The following PDE2A variants were observed in gnomAD, a reference collection of about 807,000 sequenced individuals.
The protein encoded by PDE2A is phosphodiesterase 2A.
A neutral mutation model predicts 133.6 loss-of-function variants in PDE2A; 53 were observed. The ratio of observed to expected loss-of-function variants is 0.40; its 90% CI spans 0.32 to 0.50. The LOEUF is 0.50. PDE2A is among the 20% of genes least tolerant of loss of function. The pLI, the probability that PDE2A is intolerant of heterozygous loss-of-function variation, is 0.73. For synonymous variants in PDE2A, 491 were observed against 490.2 expected (o/e 1.00, Z -0.02); for missense variants, 796 against 1,232.4 (o/e 0.65, Z 5.30).
intron 1 of PDE2A, among the ~76,000 whole-genome samples, chr11:72,669,550 G>C (rs987330260): frequency 6.6e-6 from 1 of 152,118 alleles, no homozygotes; most frequent in Admixed American, 6.5e-5. Flanking sequence ...GGAGGACGAG[G>C]GTGCTGACAG....
chr11:72,628,782 T>C (rs1322029500), intron 2 of PDE2A, among the ~76,000 whole-genome samples: 2 of 152,194 alleles, frequency 1.3e-5, no homozygotes, highest in Non-Finnish European at 2.9e-5. Context: ...TATGAGGCCA[T>C]CTTGGCTTCC....
At chr11:72,652,854 G>C (rs952541843) in intron 1 of PDE2A, among the ~76,000 whole-genome samples, 1 of 152,178 alleles carries the variant, frequency 6.6e-6, no homozygotes, top group African/African-American at 2.4e-5. Context: ...TGGCTTCAGG[G>C]CTGTACTTGA....
At chr11:72,584,126 G>A (rs1159424135) in intron 19 of PDE2A, 75 bp downstream of exon 19, 2 of 772,936 alleles carry the variant, frequency 2.6e-6, no homozygotes, top group Non-Finnish European at 4.4e-6. Context: ...GAGTCAGTCG[G>A]AGGAGGAGAA....
rs1243925693 is a variant in PDE2A, at chr11:72,576,490, C to T, written c.*894G>A. ...AGGCCAAGGGGAACACTCAGGGGGC[C>T]TCTGAGACACTCAGGGTTGGGCTCT... is the stretch of plus-strand genomic sequence containing the variant. On this transcript the variant is annotated 3_prime_UTR_variant, in exon 31 of 31. Coordinates refer to ENST00000334456, the MANE Select transcript of PDE2A (RefSeq NM_002599.5). 6.2e-6 allele frequency: 1 copy of T among 160,690 alleles called. No homozygotes were observed. Among genetic ancestry groups the T allele is most frequent in the Admixed American group, 6.5e-5 (1 of 15,302 alleles). 10.0% of individuals were successfully genotyped at this position (160,690 alleles called of 1,614,324 possible).
At chr11:72,579,750 GT>G in intron 25 of PDE2A, 142 bp from the exon 26 acceptor site, 1 of 623,372 alleles carries the variant, frequency 1.6e-6, no homozygotes, top group Non-Finnish European at 2.8e-6. Flanking sequence ...AGGGGCCCCA[GT>G]TCCCTTTCTG....
At chr11:72,667,202 G>A (rs979527116) in intron 1 of PDE2A, among the ~76,000 whole-genome samples, 6 of 152,142 alleles carry the variant, frequency 3.9e-5, no homozygotes, top group African/African-American at 1.4e-4. Flanking sequence ...CACCCTCTCA[G>A]ATCAGCATAC....
chr11:72,608,621 GGGGGT>G, intron 3 of PDE2A, 36 bp downstream of exon 3: 1 of 976,386 alleles, frequency 1.0e-6, no homozygotes, highest in Non-Finnish European at 1.6e-6. Context: ...CAAAGGATTT[GGGGGT>G]GGGGTGGGAA....
At position 72,674,183 on chromosome 11, in the gene PDE2A, T is replaced by C. The variant is rs777791135; in HGVS notation, c.25A>G (p.Ile9Val). The stretch of plus-strand genomic sequence containing the variant: ...GGGTACTGCTGGCTCCTGCAGAGGA[T>C]GGAGTGGCCGCATGCCTGCCCCATC... Reference protein sequence around the residue: MGQACGHSILCRSQQYPAA... With the variant: MGQACGHSVLCRSQQYPAA... The change falls in exon 1 of 31, where the codon ATC becomes GTC. Residue 9 changes from isoleucine (I) to valine (V), a missense_variant. Physicochemically the swap from Ile to Val is conservative, Grantham distance 29. This residue lies in a region of PDE2A where 417 missense variants were observed against 475.3 expected (regional missense o/e 0.88). Coordinates refer to ENST00000334456, the MANE Select transcript of PDE2A (RefSeq NM_002599.5). 1.9e-6 allele frequency: 3 copies of C among 1,612,068 alleles called. No individual in the cohort carries two copies. Among genetic ancestry groups the C allele is most frequent in the Admixed American group, 3.3e-5 (2 of 59,992 alleles).
intron 2 of PDE2A, among the ~76,000 whole-genome samples, chr11:72,630,170 G>C (rs541001304): frequency 6.6e-6 from 1 of 152,152 alleles, no homozygotes; most frequent in East Asian, 1.9e-4. Context: ...CAGGAAATGC[G>C]CTGGCTGAGC....
intron 19 of PDE2A, 143 bp from the exon 20 acceptor site, chr11:72,583,658 A>C: frequency 1.5e-6 from 1 of 653,022 alleles, no homozygotes; most frequent in Non-Finnish European, 2.8e-6. Flanking sequence ...GCTCCAGTCC[A>C]CAGTAAAGAC....
At chr11:72,592,986 G>A (rs187700163) in intron 6 of PDE2A, among the ~76,000 whole-genome samples, 219 of 152,134 alleles carry the variant, frequency 1.4e-3, no homozygotes, top group Non-Finnish European at 2.3e-3. Flanking sequence ...CGTGGTTCTT[G>A]TTCCTTCCAC....
chr11:72,591,465 C>G lies in PDE2A; in HGVS notation c.490-109G>C, dbSNP rs1248892422. Reference sequence around the variant, plus strand: ...ACTGGTCCCCACCAACACATACACACTCCAGTCTGTGGGCCTCAGTGATAA... The same window carrying G: ...ACTGGTCCCCACCAACACATACACAGTCCAGTCTGTGGGCCTCAGTGATAA... On this transcript the variant is annotated intron_variant, in intron 6 of 30. Coordinates refer to ENST00000334456, the MANE Select transcript of PDE2A (RefSeq NM_002599.5). 4 of 786,992 alleles carry G rather than the reference C, an allele frequency of 5.1e-6. No homozygotes were observed. The African/African-American group carries it at 6.7e-5, about 13-fold the overall frequency. 48.8% of individuals were successfully genotyped at this position (786,992 alleles called of 1,614,324 possible). A position where few individuals can be genotyped will look rare whatever the true frequency, so the allele number is the denominator to read the frequency against.
At chr11:72,652,988 G>A (rs775050921) in intron 1 of PDE2A, among the ~76,000 whole-genome samples, 6 of 152,220 alleles carry the variant, frequency 3.9e-5, no homozygotes, top group African/African-American at 1.4e-4. Context: ...TTGATCAAAA[G>A]GCACTCGCTC....
chr11:72,660,073 C>T (rs1421729648), intron 1 of PDE2A, among the ~76,000 whole-genome samples: 1 of 152,156 alleles, frequency 6.6e-6, no homozygotes, highest in African/African-American at 2.4e-5. Context: ...AGAAGTCCCC[C>T]TCAAAGGGAC....
chr11:72,630,918 A>G (rs1353562994), intron 2 of PDE2A, among the ~76,000 whole-genome samples: 1 of 151,372 alleles, frequency 6.6e-6, no homozygotes, highest in African/African-American at 2.4e-5. Context: ...GTGAGGGGAG[A>G]TGGTCTTGAT....
At chr11:72,645,371 A>C (rs1859104592) in intron 1 of PDE2A, among the ~76,000 whole-genome samples, 1 of 152,172 alleles carries the variant, frequency 6.6e-6, no homozygotes, top group Non-Finnish European at 1.5e-5. Flanking sequence ...ACCCTCTCAC[A>C]CAATCCTTGA....
intron 16 of PDE2A, 119 bp downstream of exon 16, chr11:72,585,252 A>T (rs1236978590): frequency 1.2e-6 from 1 of 846,182 alleles, no homozygotes; most frequent in African/African-American, 1.7e-5. Context: ...AGGATCCCTC[A>T]AAAGGTGATG....
chr11:72,637,033 AGGCTCTCCTCCCTCTGTC>A (rs1858729945), intron 2 of PDE2A, among the ~76,000 whole-genome samples: 1 of 137,430 alleles, frequency 7.3e-6, no homozygotes, highest in African/African-American at 3.6e-5. Context: ...GTGCTGCCAC[AGGCTCTCCTCCCTCTGTC>A]TGCCACCAGC....
intron 21 of PDE2A, 117 bp downstream of exon 21, chr11:72,582,327 C>A: frequency 9.6e-7 from 1 of 1,036,568 alleles, no homozygotes. Context: ...TCTGAGGGAC[C>A]CTCCACAGCC....
Sources: allele counts gnomAD v4.1 joint callset (sites outside exome capture counted in the v4.1 genomes callset), GRCh38; gene constraint gnomAD v4.1.1; regional missense constraint gnomAD v4.1.1; transcripts MANE v1.5; gene names NCBI Gene and HGNC (gene_info 2026-07-23, HGNC 2026-07-21).